Variants in MITF observed in about 807,000 individuals in gnomAD.
The protein encoded by MITF is microphthalmia-associated transcription factor.
A neutral mutation model predicts 60.5 loss-of-function variants in MITF; 17 were observed. That is an observed-to-expected ratio of 0.28 (90% CI 0.19 to 0.42). The LOEUF is 0.42. MITF is among the 10% of genes least tolerant of loss of function. The pLI is 1.00. For synonymous variants in MITF, 260 were observed against 248.5 expected, an observed-to-expected ratio of 1.05 and a Z score of -0.43; for missense variants, 622 against 683.5, an observed-to-expected ratio of 0.91 and a Z score of 1.00.
At chr3:69,957,613 C>CT (rs1330149481) in intron 8 of MITF, among the ~76,000 whole-genome samples, 47 of 152,298 alleles carry the variant, frequency 3.1e-4, no homozygotes, top group Admixed American at 1.7e-3. Flanking sequence ...TTCCTATAGT[C>CT]AGTCTTGCAT....
At chr3:69,898,334 G>T (rs1369396547) in intron 2 of MITF, among the ~76,000 whole-genome samples, 3 of 152,238 alleles carry the variant, frequency 2.0e-5, no homozygotes, top group Non-Finnish European at 2.9e-5. Context: ...GAGAAGGTTG[G>T]TCTTGCTGGA....
At chr3:69,868,174 T>C (rs145438353) in intron 1 of MITF, among the ~76,000 whole-genome samples, 9 of 152,358 alleles carry the variant, frequency 5.9e-5, no homozygotes, top group African/African-American at 2.2e-4. Flanking sequence ...CTTTTACTCA[T>C]GTCCACATGG....
intron 7 of MITF, among the ~76,000 whole-genome samples, chr3:69,954,373 G>A (rs913201391): frequency 5.3e-5 from 8 of 152,214 alleles, no homozygotes; most frequent in African/African-American, 1.9e-4. Context: ...AGTTCCACGT[G>A]GAGTCAAAGG....
At chr3:69,856,470 CAT>C (rs1462418829) in intron 1 of MITF, among the ~76,000 whole-genome samples, 1 of 152,166 alleles carries the variant, frequency 6.6e-6, no homozygotes, top group Non-Finnish European at 1.5e-5. Flanking sequence ...AGATTGAAGA[CAT>C]ATTAGCATCA....
chr3:69,918,768 TAA>T (rs1484557261), intron 2 of MITF, among the ~76,000 whole-genome samples: 1 of 152,226 alleles, frequency 6.6e-6, no homozygotes. Flanking sequence ...GCTTTGTATA[TAA>T]GAGATGCTCA....
intron 1 of MITF, chr3:69,866,323 A>G (rs888127911): frequency 6.2e-7 from 1 of 1,613,914 alleles, no homozygotes; most frequent in African/African-American, 1.3e-5. Context: ...TGTTCATGCC[A>G]TGCTCCTTTG....
In MITF at chr3:69,964,112, G is replaced by A. The variant is rs2066624227; in HGVS notation, c.1180-735G>A. On this transcript the variant is annotated intron_variant, in intron 9 of 9. Coordinates refer to ENST00000352241, the MANE Select transcript of MITF (RefSeq NM_001354604.2). ...CTGCCTCAGCCTCCCAAGTAGCTGG[G>A]ATTACAGGCATGTGCCACCACACCT... is the stretch of plus-strand genomic sequence containing the variant. Among the ~76,000 whole-genome samples the A allele has an allele frequency of 2.0e-5, 3 of 151,752 alleles. 1 individual carries two copies. The South Asian group carries it at 6.2e-4, about 32-fold the overall frequency.
chr3:69,813,018 C>T (rs865919222), intron 1 of MITF, among the ~76,000 whole-genome samples: 4 of 152,046 alleles, frequency 2.6e-5, no homozygotes, highest in Non-Finnish European at 4.4e-5. Flanking sequence ...CTTAAATGTA[C>T]TATTATAAGT....
intron 5 of MITF, among the ~76,000 whole-genome samples, chr3:69,946,999 A>G (rs1261305501): frequency 6.6e-6 from 1 of 152,152 alleles, no homozygotes; most frequent in African/African-American, 2.4e-5. Context: ...TTTAGAATAT[A>G]GTTAGAAAAT....
At chr3:69,805,003 C>T (rs1211762899) in intron 1 of MITF, among the ~76,000 whole-genome samples, 1 of 152,186 alleles carries the variant, frequency 6.6e-6, no homozygotes, top group Non-Finnish European at 1.5e-5. Context: ...TAAAGCTTGT[C>T]ATTTTCTGGG....
intron 2 of MITF, among the ~76,000 whole-genome samples, chr3:69,890,580 G>T (rs894093296): frequency 6.6e-6 from 1 of 151,920 alleles, no homozygotes; most frequent in Admixed American, 6.6e-5. Flanking sequence ...TTTTGGTGGG[G>T]TTTTATGTAT....
At chr3:69,840,890 G>T (rs919498615) in intron 1 of MITF, among the ~76,000 whole-genome samples, 1 of 151,812 alleles carries the variant, frequency 6.6e-6, no homozygotes, top group Non-Finnish European at 1.5e-5. Flanking sequence ...CGAGTAACTG[G>T]GATTACAGGT....
At chr3:69,938,682 G>GCAT (rs2107482423) in intron 3 of MITF, 1 of 1,308,278 alleles carries the variant, frequency 7.6e-7, no homozygotes, top group South Asian at 2.0e-5. Flanking sequence ...GCTAATTGGT[G>GCAT]CATCAAAATT....
chr3:69,824,785 C>A (rs1038929332), intron 1 of MITF, among the ~76,000 whole-genome samples: 1 of 152,192 alleles, frequency 6.6e-6, no homozygotes, highest in Non-Finnish European at 1.5e-5. Context: ...GGCACCTCTC[C>A]TTGGGCTGTT....
chr3:69,746,635 A>T (rs1703738006), intron 1 of MITF, among the ~76,000 whole-genome samples: 1 of 152,232 alleles, frequency 6.6e-6, no homozygotes, highest in South Asian at 2.1e-4. Flanking sequence ...TGGAGAAAAT[A>T]ATCATGAAGA....
At chr3:69,931,882 C>G (rs978663787) in intron 2 of MITF, among the ~76,000 whole-genome samples, 4 of 152,206 alleles carry the variant, frequency 2.6e-5, no homozygotes, top group Non-Finnish European at 5.9e-5. Context: ...ATAATGGAGA[C>G]ATGGCTATGG....
chr3:69,858,370 G>A (rs62253184), intron 1 of MITF, among the ~76,000 whole-genome samples: 3,907 of 152,138 alleles, frequency 0.026, 85 homozygotes, highest in Non-Finnish European at 0.035. Context: ...ACTGTAACAG[G>A]ATGTCATTAG....
rs201532879 is a variant in MITF, at chr3:69,935,948, C to T, written c.355-1874C>T. 2.0e-5 allele frequency among the ~76,000 whole-genome samples: 3 copies of T among 152,022 alleles called. No homozygotes were observed. The East Asian group carries it at 5.8e-4, about 29-fold the overall frequency. Reference sequence around the variant, plus strand: ...AAAATTCTCAGCAAAAATGCTCATGCTTTTTTCATTTGAGAATTAAATAGG... The same window carrying T: ...AAAATTCTCAGCAAAAATGCTCATGTTTTTTTCATTTGAGAATTAAATAGG... On this transcript the variant is annotated intron_variant, in intron 2 of 9. Coordinates refer to ENST00000352241, the MANE Select transcript of MITF (RefSeq NM_001354604.2).
chr3:69,830,350 T>C (rs2063426087), intron 1 of MITF, among the ~76,000 whole-genome samples: 1 of 152,128 alleles, frequency 6.6e-6, no homozygotes. Flanking sequence ...GGTGTGTACT[T>C]CCTGGAAAGC....
Sources: allele counts gnomAD v4.1 joint callset (sites outside exome capture counted in the v4.1 genomes callset), GRCh38; gene constraint gnomAD v4.1.1; transcripts MANE v1.5; gene names NCBI Gene and HGNC (gene_info 2026-07-23, HGNC 2026-07-21).